The following RAP2B variants were observed in gnomAD, a reference collection of about 807,000 sequenced individuals.
RAP2B encodes RAP2B, member of RAS oncogene family.
Under a neutral mutation model 14.4 loss-of-function variants are expected in RAP2B, and 6 were observed. The observed-to-expected ratio is 0.42, with a 90% CI of 0.23 to 0.82. The LOEUF (loss-of-function observed/expected upper bound fraction) is 0.82, where lower values mean the gene tolerates loss of function less well. Among genes scored for constraint, RAP2B ranks in the 40% least tolerant of loss-of-function variants. RAP2B has a pLI of 0.30. For missense variants in RAP2B, 137 were observed against 248.2 expected (o/e 0.55, Z 3.01); for synonymous variants, 118 against 113.2 (o/e 1.04, Z -0.27).
chr3:153,162,647 A>G lies in RAP2B; in HGVS notation c.-47A>G. On this transcript the variant is annotated 5_prime_UTR_variant, in exon 1 of 1. Coordinates refer to ENST00000323534, the MANE Select transcript of RAP2B (RefSeq NM_002886.4). This position sits in a 1 kb window ranked among gnomAD's most constrained non-coding sequence, Gnocchi z 4.9. ...CCAAGCCCAGCCTTCCCCGGCGCGC[A>G]GCCCCGACGGGGCCGCGGCAGGCGC... is the stretch of plus-strand genomic sequence containing the variant. The G allele has an allele frequency of 6.5e-7, 1 of 1,539,500 alleles. No homozygotes were observed. The highest frequency in any genetic ancestry group is 8.7e-7 in the Non-Finnish European group (1 of 1,145,702).
Position 153,167,236 on chromosome 3 carries a change from TG to T in RAP2B, c.*3992del, listed in dbSNP as rs989567402. ...TTAGGAATGATTCAGTGCATTTAAC[TG>T]AACACAGAGCTAGTTCTAGGTGAGT... On this transcript the variant is annotated 3_prime_UTR_variant, in exon 1 of 1. Transcript: ENST00000323534. 1 of 167,120 alleles carries T rather than the reference TG, an allele frequency of 6.0e-6. No homozygotes were observed. Among genetic ancestry groups the T allele is most frequent in the African/African-American group, 2.4e-5 (1 of 41,472 alleles). 10.4% of individuals were successfully genotyped at this position (167,120 alleles called of 1,614,324 possible).
At position 153,162,928 on chromosome 3, in the gene RAP2B, A is replaced by G; in HGVS notation, c.235A>G (p.Ile79Val). The change falls in exon 1 of 1, where the codon ATC becomes GTC. Residue 79 changes from isoleucine to valine, a missense_variant. Around this residue, in one of 2 missense-constraint regions of RAP2B, gnomAD observed 106 missense variants for 143.5 expected, o/e 0.74. Transcript: ENST00000323534. The surrounding 1 kb of genome is among the most constrained non-coding windows in gnomAD (Gnocchi z 4.9). Reference sequence around the variant, plus strand: ...GTACATCAAGAACGGCCAGGGCTTCATCCTGGTCTACAGCCTCGTCAACCA... The same window carrying G: ...GTACATCAAGAACGGCCAGGGCTTCGTCCTGGTCTACAGCCTCGTCAACCA... ...DLYIKNGQGF[I>V]LVYSLVNQQS... 1 of 1,614,060 alleles carries G rather than the reference A, an allele frequency of 6.2e-7. No homozygotes were observed. The highest frequency in any genetic ancestry group is 8.5e-7 in the Non-Finnish European group (1 of 1,180,018).
In RAP2B at chr3:153,165,227, A is replaced by G. The variant is rs1713541588; in HGVS notation, c.*1982A>G. 1 of 167,104 alleles carries G rather than the reference A, an allele frequency of 6.0e-6. No homozygotes were observed. The highest frequency in any genetic ancestry group is 6.5e-5 in the Admixed American group (1 of 15,284). 10.4% of individuals were successfully genotyped at this position (167,104 alleles called of 1,614,324 possible). A position where few individuals can be genotyped will look rare whatever the true frequency, so the allele number is the denominator to read the frequency against. ...CAGTACATTTGAATGGATTGTAGAC[A>G]CTGCCTCAACCCTTTTGAGGTTTTG... On this transcript the variant is annotated 3_prime_UTR_variant, in exon 1 of 1. Transcript: ENST00000323534.
chr3:153,162,639 C>A lies in RAP2B; in HGVS notation c.-55C>A, dbSNP rs1021906852. The A allele has an allele frequency of 7.9e-6, 12 of 1,526,836 alleles. No homozygotes were observed. In the Admixed American group the frequency reaches 2.5e-4, roughly 32 times the overall value. 94.6% of individuals were successfully genotyped at this position (1,526,836 alleles called of 1,614,324 possible). A position where few individuals can be genotyped will look rare whatever the true frequency, so the allele number is the denominator to read the frequency against. On this transcript the variant is annotated 5_prime_UTR_variant, in exon 1 of 1. Transcript: ENST00000323534. The surrounding 1 kb of genome is among the most constrained non-coding windows in gnomAD (Gnocchi z 4.9). ...TCCAGCCGCCAAGCCCAGCCTTCCC[C>A]GGCGCGCAGCCCCGACGGGGCCGCG...
chr3:153,169,515 G>A lies in RAP2B; in HGVS notation c.*6270G>A, dbSNP rs1450825624. The A allele has an allele frequency of 6.5e-6, 1 of 154,260 alleles. No homozygotes were observed. Among genetic ancestry groups the A allele is most frequent in the Non-Finnish European group, 1.4e-5 (1 of 69,656 alleles). 9.6% of individuals were successfully genotyped at this position (154,260 alleles called of 1,614,324 possible). On this transcript the variant is annotated 3_prime_UTR_variant, in exon 1 of 1. Coordinates refer to ENST00000323534, the MANE Select transcript of RAP2B (RefSeq NM_002886.4). ...GGCTGGAGTGCAATGGCGCGATCTC[G>A]GCTCACTGCAACCTCTGCCTCCCAG...
chr3:153,169,438 G>A lies in RAP2B; in HGVS notation c.*6193G>A, dbSNP rs1198008767. The A allele has an allele frequency of 6.7e-6, 1 of 149,702 alleles. No individual in the cohort carries two copies. The highest frequency in any genetic ancestry group is 1.5e-5 in the Non-Finnish European group (1 of 68,052). The allele number at this position is 149,702 out of a possible 1,614,324, so 9.3% of individuals were successfully genotyped here. On this transcript the variant is annotated 3_prime_UTR_variant, in exon 1 of 1. Transcript: ENST00000323534. ...CCCAAAGTGCTGGGATTACAGGTGT[G>A]AGCCACCGCACCCAGCCTTTTTTTT...
Position 153,162,614 on chromosome 3 carries a change from T to C in RAP2B, c.-80T>C. The C allele has an allele frequency of 6.9e-7, 1 of 1,445,848 alleles. No individual in the cohort carries two copies. The highest frequency in any genetic ancestry group is 9.2e-7 in the Non-Finnish European group (1 of 1,091,298). The allele number at this position is 1,445,848 out of a possible 1,614,324, so 89.6% of individuals were successfully genotyped here. ...CGTAGCTGAGGAAGGGGAAGAGAAG[T>C]CCAGCCGCCAAGCCCAGCCTTCCCC... On this transcript the variant is annotated 5_prime_UTR_variant, in exon 1 of 1. Coordinates refer to ENST00000323534, the MANE Select transcript of RAP2B (RefSeq NM_002886.4). The surrounding 1 kb of genome is among the most constrained non-coding windows in gnomAD (Gnocchi z 4.9).
Position 153,163,475 on chromosome 3 carries a change from A to G in RAP2B, c.*230A>G. 1 of 577,372 alleles carries G rather than the reference A, an allele frequency of 1.7e-6. No individual in the cohort carries two copies. The highest frequency in any genetic ancestry group is 3.0e-6 in the Non-Finnish European group (1 of 329,704). The allele number at this position is 577,372 out of a possible 1,614,324, so 35.8% of individuals were successfully genotyped here. On this transcript the variant is annotated 3_prime_UTR_variant, in exon 1 of 1. Transcript: ENST00000323534. The stretch of plus-strand genomic sequence containing the variant: ...TGGTGGAAATGTGGCTCTTTGCAGC[A>G]TGTACGTTTCTCCCTGATTTTGGTT...
chr3:153,162,636 C>T lies in RAP2B; in HGVS notation c.-58C>T. On this transcript the variant is annotated 5_prime_UTR_variant, in exon 1 of 1. Transcript: ENST00000323534. This position sits in a 1 kb window ranked among gnomAD's most constrained non-coding sequence, Gnocchi z 4.9. ...AAGTCCAGCCGCCAAGCCCAGCCTT[C>T]CCCGGCGCGCAGCCCCGACGGGGCC... 6.6e-7 allele frequency: 1 copy of T among 1,522,730 alleles called. No homozygotes were observed. Among genetic ancestry groups the T allele is most frequent in the East Asian group, 2.3e-5 (1 of 43,340 alleles). The allele number at this position is 1,522,730 out of a possible 1,614,324, so 94.3% of individuals were successfully genotyped here. A position where few individuals can be genotyped will look rare whatever the true frequency, so the allele number is the denominator to read the frequency against.
chr3:153,170,400 G>A lies in RAP2B; in HGVS notation c.*7155G>A, dbSNP rs1713699856. 1 of 152,158 alleles carries A rather than the reference G, an allele frequency of 6.6e-6. No homozygotes were observed. Among genetic ancestry groups the A allele is most frequent in the Admixed American group, 6.6e-5 (1 of 15,264 alleles). 9.4% of individuals were successfully genotyped at this position (152,158 alleles called of 1,614,324 possible). A position where few individuals can be genotyped will look rare whatever the true frequency, so the allele number is the denominator to read the frequency against. The stretch of plus-strand genomic sequence containing the variant: ...GTACTGCGAGCGCTAATACTTAAAA[G>A]AGGAAGTCAGGTGAAGGCGCAACAG... On this transcript the variant is annotated 3_prime_UTR_variant, in exon 1 of 1. Transcript: ENST00000323534.
Position 153,169,509 on chromosome 3 carries a change from G to C in RAP2B, c.*6264G>C, listed in dbSNP as rs182650381. On this transcript the variant is annotated 3_prime_UTR_variant, in exon 1 of 1. Coordinates refer to ENST00000323534, the MANE Select transcript of RAP2B (RefSeq NM_002886.4). The stretch of plus-strand genomic sequence containing the variant: ...CGCCCAGGCTGGAGTGCAATGGCGC[G>C]ATCTCGGCTCACTGCAACCTCTGCC... 2.8e-3 allele frequency: 430 copies of C among 154,220 alleles called. No individual in the cohort carries two copies. Among genetic ancestry groups the C allele is most frequent in the Non-Finnish European group, 4.8e-3 (335 of 69,688 alleles). 9.6% of individuals were successfully genotyped at this position (154,220 alleles called of 1,614,324 possible).
In RAP2B at chr3:153,167,488, A is replaced by G. The variant is rs549543519; in HGVS notation, c.*4243A>G. The G allele has an allele frequency of 6.0e-6, 1 of 167,142 alleles. No homozygotes were observed. The highest frequency in any genetic ancestry group is 1.9e-4 in the East Asian group (1 of 5,190). The allele number at this position is 167,142 out of a possible 1,614,324, so 10.4% of individuals were successfully genotyped here. A position where few individuals can be genotyped will look rare whatever the true frequency, so the allele number is the denominator to read the frequency against. The stretch of plus-strand genomic sequence containing the variant: ...GTGTTATTGCTGTTCCAGGGACCAC[A>G]CTTTGAAAACCAGTGATCTAGACTG... On this transcript the variant is annotated 3_prime_UTR_variant, in exon 1 of 1. Transcript: ENST00000323534.
rs777187567 is a variant in RAP2B, at chr3:153,162,684, T to C, written c.-10T>C. The C allele has an allele frequency of 2.5e-6, 4 of 1,587,166 alleles. No individual in the cohort carries two copies. Among genetic ancestry groups the C allele is most frequent in the South Asian group, 1.1e-5 (1 of 89,610 alleles). On this transcript the variant is annotated 5_prime_UTR_variant, in exon 1 of 1. Transcript: ENST00000323534. This position sits in a 1 kb window ranked among gnomAD's most constrained non-coding sequence, Gnocchi z 4.9. ...GCCGCGGCAGGCGCGGCGAGAGCGC[T>C]GACGGAGCCATGAGAGAGTACAAAG...
At position 153,168,492 on chromosome 3, in the gene RAP2B, C is replaced by G. The variant is rs1713640557; in HGVS notation, c.*5247C>G. 6.1e-6 allele frequency: 1 copy of G among 163,974 alleles called. No homozygotes were observed. The highest frequency in any genetic ancestry group is 6.6e-5 in the Admixed American group (1 of 15,234). 10.2% of individuals were successfully genotyped at this position (163,974 alleles called of 1,614,324 possible). ...TTGGTTAAAATTTTTTTTGTTCAAC[C>G]CTGTTGTTGTTACTGTTATTTTCAT... On this transcript the variant is annotated 3_prime_UTR_variant, in exon 1 of 1. Coordinates refer to ENST00000323534, the MANE Select transcript of RAP2B (RefSeq NM_002886.4).
Position 153,163,368 on chromosome 3 carries a change from A to G in RAP2B, c.*123A>G, listed in dbSNP as rs1350909628. 1.7e-5 allele frequency: 24 copies of G among 1,379,608 alleles called. No individual in the cohort carries two copies. Among genetic ancestry groups the G allele is most frequent in the Non-Finnish European group, 3.9e-6 (4 of 1,037,198 alleles). 85.5% of individuals were successfully genotyped at this position (1,379,608 alleles called of 1,614,324 possible). A position where few individuals can be genotyped will look rare whatever the true frequency, so the allele number is the denominator to read the frequency against. ...TTTGCATTGGCCAGGGTGTCTTGGG[A>G]GCCCGGCTGGCCTCCGCGGCCGGCG... On this transcript the variant is annotated 3_prime_UTR_variant, in exon 1 of 1. Transcript: ENST00000323534.
rs370692853 is a variant in RAP2B at position 153,162,682 on chromosome 3, G to C, written c.-12G>C. The C allele has an allele frequency of 6.3e-6, 10 of 1,584,538 alleles. No homozygotes were observed. Among genetic ancestry groups the C allele is most frequent in the Non-Finnish European group, 6.9e-6 (8 of 1,162,858 alleles). On this transcript the variant is annotated 5_prime_UTR_variant, in exon 1 of 1. Coordinates refer to ENST00000323534, the MANE Select transcript of RAP2B (RefSeq NM_002886.4). This position sits in a 1 kb window ranked among gnomAD's most constrained non-coding sequence, Gnocchi z 4.9. Reference sequence around the variant, plus strand: ...GGGCCGCGGCAGGCGCGGCGAGAGCGCTGACGGAGCCATGAGAGAGTACAA... The same window carrying C: ...GGGCCGCGGCAGGCGCGGCGAGAGCCCTGACGGAGCCATGAGAGAGTACAA...
rs999223591 is a variant in RAP2B at position 153,162,750 on chromosome 3, C to T, written c.57C>T (p.Leu19=). The T allele has an allele frequency of 1.9e-6, 3 of 1,614,010 alleles. No individual in the cohort carries two copies. Among genetic ancestry groups the T allele is most frequent in the African/African-American group, 2.7e-5 (2 of 75,070 alleles). Residue 19 remains leucine, a synonymous_variant, in exon 1 of 1, where the codon CTC becomes CTT. Transcript: ENST00000323534. This position sits in a 1 kb window ranked among gnomAD's most constrained non-coding sequence, Gnocchi z 4.9. ...CGGGCGGCGTGGGCAAGTCCGCGCTCACCGTGCAGTTCGTGACGGGCTCCT... is the reference window on the plus strand; with the variant it reads ...CGGGCGGCGTGGGCAAGTCCGCGCTTACCGTGCAGTTCGTGACGGGCTCCT... ...LGSGGVGKSA[L]TVQFVTGSFI... is the part of the protein sequence containing the mutation.
Position 153,163,488 on chromosome 3 carries a change from C to A in RAP2B, c.*243C>A. 1 of 542,524 alleles carries A rather than the reference C, an allele frequency of 1.8e-6. No homozygotes were observed. The allele number at this position is 542,524 out of a possible 1,614,324, so 33.6% of individuals were successfully genotyped here. A position where few individuals can be genotyped will look rare whatever the true frequency, so the allele number is the denominator to read the frequency against. On this transcript the variant is annotated 3_prime_UTR_variant, in exon 1 of 1. Coordinates refer to ENST00000323534, the MANE Select transcript of RAP2B (RefSeq NM_002886.4). ...GCTCTTTGCAGCATGTACGTTTCTC[C>A]CTGATTTTGGTTGATGCATATTTCC... is the stretch of plus-strand genomic sequence containing the variant.
In RAP2B at chr3:153,169,992, T is replaced by C. The variant is rs1312590816; in HGVS notation, c.*6747T>C. 1 of 152,190 alleles carries C rather than the reference T, an allele frequency of 6.6e-6. No individual in the cohort carries two copies. Among genetic ancestry groups the C allele is most frequent in the Non-Finnish European group, 1.5e-5 (1 of 68,034 alleles). The allele number at this position is 152,190 out of a possible 1,614,324, so 9.4% of individuals were successfully genotyped here. A position where few individuals can be genotyped will look rare whatever the true frequency, so the allele number is the denominator to read the frequency against. On this transcript the variant is annotated 3_prime_UTR_variant, in exon 1 of 1. Transcript: ENST00000323534. ...CATGCAGGAAAAGCAAAATGGGCCT[T>C]ATGGCTATTGAAATTATGAGTGTTG...
Sources: allele counts gnomAD v4.1 joint callset, GRCh38; gene constraint gnomAD v4.1.1; regional missense constraint gnomAD v4.1.1; non-coding constraint Gnocchi (gnomAD v3.1); transcripts MANE v1.5; gene names NCBI Gene and HGNC (gene_info 2026-07-23, HGNC 2026-07-21).